Variants in REV3L observed in about 807,000 individuals in gnomAD.
REV3L encodes DNA polymerase zeta catalytic subunit.
A neutral mutation model predicts 299.4 loss-of-function variants in REV3L; 69 were observed. That is an observed-to-expected ratio of 0.23 (90% confidence interval 0.19 to 0.28). REV3L has a LOEUF of 0.28. REV3L is among the 10% of genes least tolerant of loss of function. The pLI is 1.00. For missense variants in REV3L, 3,128 were observed against 3,693.8 expected, an observed-to-expected ratio of 0.85 and a Z score of 3.97; for synonymous variants, 1,238 against 1,271.4, an observed-to-expected ratio of 0.97 and a Z score of 0.56.
chr6:111,357,651 C>A (rs953508762), intron 17 of REV3L, among the ~76,000 whole-genome samples: 5 of 152,074 alleles, frequency 3.3e-5, no homozygotes, highest in African/African-American at 1.2e-4. Context: ...GGAGATCGCA[C>A]CACTGCACTC....
intron 1 of REV3L, among the ~76,000 whole-genome samples, chr6:111,467,253 A>G (rs1791621897): frequency 6.6e-6 from 1 of 152,254 alleles, no homozygotes; most frequent in Non-Finnish European, 1.5e-5. Context: ...AAAAGGTCAA[A>G]GTACTTCATG....
At chr6:111,472,615 T>C (rs1236581381) in intron 1 of REV3L, among the ~76,000 whole-genome samples, 4 of 151,894 alleles carry the variant, frequency 2.6e-5, no homozygotes, top group Admixed American at 6.6e-5. Context: ...CATTGACAAT[T>C]ACTACTCATT....
At chr6:111,409,655 T>C (rs1019149308) in intron 3 of REV3L, among the ~76,000 whole-genome samples, 17 of 152,054 alleles carry the variant, frequency 1.1e-4, no homozygotes, top group Admixed American at 4.6e-4. Context: ...AAGGCCTGAG[T>C]AGAGGATAGA....
intron 4 of REV3L, among the ~76,000 whole-genome samples, chr6:111,402,150 T>C (rs1783152545): frequency 1.3e-5 from 2 of 152,130 alleles, no homozygotes; most frequent in East Asian, 3.9e-4. Flanking sequence ...TAATATCCTC[T>C]AGGGAGGATT....
intron 1 of REV3L, among the ~76,000 whole-genome samples, chr6:111,453,032 T>C (rs1392533354): frequency 6.6e-6 from 1 of 152,064 alleles, no homozygotes; most frequent in Non-Finnish European, 1.5e-5. Context: ...AATATATATT[T>C]TAACCATTCA....
intron 9 of REV3L, among the ~76,000 whole-genome samples, chr6:111,387,494 G>A (rs1030938541): frequency 1.3e-5 from 2 of 152,054 alleles, no homozygotes; most frequent in African/African-American, 4.8e-5. Flanking sequence ...CATCATTTAC[G>A]TAAAATTTAA....
At chr6:111,300,955 AG>A (rs1771437877) in intron 31 of REV3L, among the ~76,000 whole-genome samples, 1 of 152,220 alleles carries the variant, frequency 6.6e-6, no homozygotes, top group Admixed American at 6.5e-5. Flanking sequence ...GACTGCCTGC[AG>A]GGCCTGGCAG....
chr6:111,378,605 A>G (rs923082209), intron 11 of REV3L, among the ~76,000 whole-genome samples: 1 of 152,168 alleles, frequency 6.6e-6, no homozygotes, highest in Admixed American at 6.5e-5. Flanking sequence ...CTGTTTTTAC[A>G]TAATCTGTAT....
chr6:111,365,297 T>A lies in REV3L; in HGVS notation c.6721A>T (p.Thr2241Ser). The A allele has an allele frequency of 6.4e-7, 1 of 1,572,560 alleles. No homozygotes were observed. The highest frequency in any genetic ancestry group is 8.6e-7 in the Non-Finnish European group (1 of 1,160,216). ...TGTGTTAACAGTACTCTTCTAAGAG[T>A]GTCAGTATTACTTCCTTTCTTATTA... ...LSNKKGSNTD[T>S]LRRVLLTQAK... Residue 2241 changes from threonine to serine, a missense_variant, in exon 15 of 32, where the codon ACT (threonine) becomes TCT (serine). Physicochemically the swap from Thr to Ser is moderately conservative, Grantham distance 58. Coordinates refer to ENST00000368802, the MANE Select transcript of REV3L (RefSeq NM_001372078.1).
Position 111,430,597 on chromosome 6 carries a change from A to G in REV3L, c.140-14125T>C, listed in dbSNP as rs551347381. The G allele has an allele frequency of 4.7e-5, 73 of 1,536,926 alleles. 1 individual carries two copies. The South Asian group carries it at 8.0e-4, about 17-fold the overall frequency. On this transcript the variant is annotated intron_variant, in intron 1 of 31. Transcript: ENST00000368802. ...TTGCAGAAAACTCAAAAGCAGGAAG[A>G]CAGAACAGACACCTCGCAGAGTGGG... is the stretch of plus-strand genomic sequence containing the variant.
intron 4 of REV3L, 77 bp downstream of exon 4, chr6:111,405,393 T>C: frequency 1.2e-6 from 1 of 840,694 alleles, no homozygotes; most frequent in Non-Finnish European, 1.7e-6. Flanking sequence ...TATTATTTTA[T>C]AAATCACTGA....
chr6:111,481,991 T>A (rs1455391372), intron 1 of REV3L, among the ~76,000 whole-genome samples: 1 of 152,166 alleles, frequency 6.6e-6, no homozygotes, highest in Non-Finnish European at 1.5e-5. Flanking sequence ...CTGGCTGTGG[T>A]TCCTAATAAA....
intron 20 of REV3L, among the ~76,000 whole-genome samples, chr6:111,346,989 G>T (rs1042165555): frequency 3.3e-5 from 5 of 152,126 alleles, no homozygotes; most frequent in Non-Finnish European, 5.9e-5. Context: ...TATATAATGA[G>T]GCCTGGGCTG....
rs1377372876 is a variant in REV3L, at chr6:111,373,745, C to T, written c.4610G>A (p.Arg1537Lys). 6.2e-7 allele frequency: 1 copy of T among 1,613,920 alleles called. No individual in the cohort carries two copies. The highest frequency in any genetic ancestry group is 1.7e-5 in the Admixed American group (1 of 59,992). The change falls in exon 13 of 32, where the codon AGA (arginine) becomes AAA (lysine). Residue 1537 changes from arginine (R) to lysine (K), a missense_variant. Around this residue, in one of 9 missense-constraint regions of REV3L, gnomAD observed 2,409 missense variants for 2,611.8 expected, o/e 0.92. Coordinates refer to ENST00000368802, the MANE Select transcript of REV3L (RefSeq NM_001372078.1). ...ATTTGCATTTTGTGCTTTCTGCTGT[C>T]TTTTTTGTAACAATTCTTTTAGAAC... ...LAVLKELLQK[R>K]QQKAQNANTT...
intron 16 of REV3L, among the ~76,000 whole-genome samples, chr6:111,360,468 A>ATTT (rs1362929978): frequency 9.7e-5 from 13 of 133,464 alleles, no homozygotes; most frequent in Non-Finnish European, 1.8e-4. Flanking sequence ...TTGTTAAATA[A>ATTT]TCTTTTTTTT....
intron 13 of REV3L, among the ~76,000 whole-genome samples, chr6:111,371,640 T>G (rs1420279955): frequency 6.6e-6 from 1 of 151,514 alleles, no homozygotes; most frequent in African/African-American, 2.4e-5. Flanking sequence ...CTCAGCTCAC[T>G]ACAACCTCCA....
At position 111,359,034 on chromosome 6, in the gene REV3L, C is replaced by T. The variant is rs1778376729; in HGVS notation, c.6880-20G>A. The T allele has an allele frequency of 6.3e-7, 1 of 1,577,990 alleles. No individual in the cohort carries two copies. The highest frequency in any genetic ancestry group is 1.2e-5 in the South Asian group (1 of 86,720). ...TTGTATCTATAAAAGCAAATAAATA[C>T]TATGTTTTTAAAACATTTTTTAAAG... On this transcript the variant is annotated intron_variant, in intron 16 of 31. Coordinates refer to ENST00000368802, the MANE Select transcript of REV3L (RefSeq NM_001372078.1).
intron 31 of REV3L, among the ~76,000 whole-genome samples, chr6:111,304,755 C>G (rs1772080116): frequency 6.6e-6 from 1 of 151,464 alleles, no homozygotes; most frequent in African/African-American, 2.4e-5. Flanking sequence ...TTCAACTTTT[C>G]CTCTCCTCAC....
In REV3L at chr6:111,371,431, C is replaced by T. The variant is rs550036894; in HGVS notation, c.5759+1165G>A. 8.5e-5 allele frequency among the ~76,000 whole-genome samples: 13 copies of T among 152,194 alleles called. 1 individual carries two copies. The South Asian group carries it at 2.7e-3, about 32-fold the overall frequency. On this transcript the variant is annotated intron_variant, in intron 13 of 31. Transcript: ENST00000368802. The stretch of plus-strand genomic sequence containing the variant: ...TTTGAGATAAAGTCTCATTCTATTG[C>T]CCAAGCTGGAATGCAGCGGCGTGAA...
Sources: gnomAD v4.1 joint callset for allele counts (sites outside exome capture counted in the v4.1 genomes callset) on GRCh38, gnomAD v4.1.1 for gene constraint, gnomAD v4.1.1 regional missense constraint, MANE v1.5 for transcripts, NCBI Gene and HGNC (gene_info 2026-07-23, HGNC 2026-07-21) for gene names.